Variants in PRLR observed in about 807,000 individuals in gnomAD.
PRLR encodes the protein hPRL receptor.
PRLR carries 13 observed loss-of-function variants against 40.2 expected under a neutral mutation model. The observed-to-expected ratio is 0.32, with a 90% CI of 0.21 to 0.51. PRLR has a LOEUF of 0.51. PRLR is among the 20% of genes least tolerant of loss of function. The probability of loss-of-function intolerance (pLI) is 0.97; values close to 1 mark genes in which losing one functional copy is unlikely to be tolerated. For synonymous variants in PRLR, 269 were observed against 278.7 expected (o/e 0.97, Z 0.35); for missense variants, 656 against 747.3 (o/e 0.88, Z 1.42).
rs934261582 is a variant in PRLR, at chr5:35,207,613, A to ATT, written c.-106+22653_-106+22654dup. ...TTCCCAATCAAATTACCAATGGGAG[A>ATT]TTGTGTGTGTGTGTGTGTGTGTGTG... On this transcript the variant is annotated intron_variant, in intron 1 of 9. Coordinates refer to ENST00000618457, the MANE Select transcript of PRLR (RefSeq NM_000949.7). 6.1e-4 allele frequency among the ~76,000 whole-genome samples: 78 copies of ATT among 127,182 alleles called. 1 individual carries two copies. The highest frequency in any genetic ancestry group is 1.4e-3 in the South Asian group (6 of 4,220). The allele number at this position is 127,182 out of a possible 152,430, so 83.4% of individuals were successfully genotyped here. A position where few individuals can be genotyped will look rare whatever the true frequency, so the allele number is the denominator to read the frequency against.
chr5:35,208,676 G>T (rs985344993), intron 1 of PRLR, among the ~76,000 whole-genome samples: 1 of 151,720 alleles, frequency 6.6e-6, no homozygotes, highest in Non-Finnish European at 1.5e-5. Context: ...ATCAAACTGG[G>T]GAAATATTTA....
At chr5:35,123,642 C>G (rs1362249469) in intron 1 of PRLR, among the ~76,000 whole-genome samples, 1 of 152,178 alleles carries the variant, frequency 6.6e-6, no homozygotes, top group East Asian at 1.9e-4. Context: ...GTTTCTAACT[C>G]TAACTGGTCC....
intron 1 of PRLR, among the ~76,000 whole-genome samples, chr5:35,221,421 A>G (rs1391306371): frequency 1.3e-5 from 2 of 152,244 alleles, no homozygotes; most frequent in Non-Finnish European, 2.9e-5. Flanking sequence ...AGGTCTCTCT[A>G]TAGAAGTAGC....
At chr5:35,155,192 C>T (rs148367283) in intron 1 of PRLR, among the ~76,000 whole-genome samples, 3 of 152,160 alleles carry the variant, frequency 2.0e-5, no homozygotes, top group East Asian at 3.9e-4. Context: ...AATAAATATA[C>T]ATTTACAGCT....
intron 1 of PRLR, among the ~76,000 whole-genome samples, chr5:35,155,086 C>A (rs970074552): frequency 2.0e-5 from 3 of 148,744 alleles, no homozygotes; most frequent in African/African-American, 7.9e-5. Context: ...CAAACCACCA[C>A]GGCACATGTT....
intron 3 of PRLR, among the ~76,000 whole-genome samples, chr5:35,088,242 G>A (rs376045355): frequency 7.9e-5 from 12 of 152,306 alleles, no homozygotes; most frequent in African/African-American, 2.6e-4. Context: ...TTGCCAGCCC[G>A]GGTCAGCTCT....
At chr5:35,203,226 T>G (rs924518641) in intron 1 of PRLR, among the ~76,000 whole-genome samples, 1 of 152,206 alleles carries the variant, frequency 6.6e-6, no homozygotes, top group Non-Finnish European at 1.5e-5. Context: ...GCTGTCCTTT[T>G]CTATAGGCAG....
At chr5:35,073,201 ACT>A (rs1465722371) in intron 5 of PRLR, among the ~76,000 whole-genome samples, 10 of 152,120 alleles carry the variant, frequency 6.6e-5, no homozygotes, top group African/African-American at 2.4e-4. Flanking sequence ...CATAATCATA[ACT>A]CTGCAGATAA....
rs1403216210 is a variant in PRLR, at chr5:35,063,589, T to G, written c.*1500A>C. 6.6e-6 allele frequency: 1 copy of G among 152,180 alleles called. No homozygotes were observed. The highest frequency in any genetic ancestry group is 1.5e-5 in the Non-Finnish European group (1 of 68,032). The allele number at this position is 152,180 out of a possible 1,614,324, so 9.4% of individuals were successfully genotyped here. A position where few individuals can be genotyped will look rare whatever the true frequency, so the allele number is the denominator to read the frequency against. On this transcript the variant is annotated 3_prime_UTR_variant, in exon 10 of 10. Coordinates refer to ENST00000618457, the MANE Select transcript of PRLR (RefSeq NM_000949.7). Reference sequence around the variant, plus strand: ...TGCTCTGGGAAGCAAATACCTAGTTTCCCAGAACTTTTATTTGGACACTTC... The same window carrying G: ...TGCTCTGGGAAGCAAATACCTAGTTGCCCAGAACTTTTATTTGGACACTTC...
intron 1 of PRLR, among the ~76,000 whole-genome samples, chr5:35,215,867 A>G (rs1337509714): frequency 5.4e-5 from 5 of 92,318 alleles, no homozygotes; most frequent in South Asian, 6.9e-4. Context: ...TGTCTCTACT[A>G]AAAAAAAAAA....
rs1167233828 is a variant in PRLR, at chr5:35,118,645, C to T, written c.-105-523G>A. 2.0e-5 allele frequency among the ~76,000 whole-genome samples: 3 copies of T among 152,062 alleles called. No homozygotes were observed. The East Asian group carries it at 5.8e-4, about 29-fold the overall frequency. ...GGATTAGATTTCATAAAATTTGGTC[C>T]TGGAGACTTTAATGAAATTTCTTAA... On this transcript the variant is annotated intron_variant, in intron 1 of 9. Coordinates refer to ENST00000618457, the MANE Select transcript of PRLR (RefSeq NM_000949.7).
intron 2 of PRLR, among the ~76,000 whole-genome samples, chr5:35,091,980 G>C (rs935323227): frequency 6.6e-6 from 1 of 152,088 alleles, no homozygotes; most frequent in Non-Finnish European, 1.5e-5. Context: ...GGTGAGGTTG[G>C]GTGCTATCTA....
At chr5:35,205,302 T>C (rs1033795250) in intron 1 of PRLR, among the ~76,000 whole-genome samples, 1 of 151,982 alleles carries the variant, frequency 6.6e-6, no homozygotes. Flanking sequence ...AATACCAAAC[T>C]CCAAGACCTA....
Position 35,055,751 on chromosome 5 carries a change from A to G in PRLR, c.*9338T>C, listed in dbSNP as rs1768677001. On this transcript the variant is annotated 3_prime_UTR_variant, in exon 10 of 10. Transcript: ENST00000618457. ...TCAATTTAAACTAAACATTACTACC[A>G]TTGCAAAAGCATTTGCTCTGAAAAG... 6.6e-6 allele frequency: 1 copy of G among 152,190 alleles called. No homozygotes were observed. The highest frequency in any genetic ancestry group is 1.5e-5 in the Non-Finnish European group (1 of 68,036). The allele number at this position is 152,190 out of a possible 1,614,324, so 9.4% of individuals were successfully genotyped here.
chr5:35,209,506 A>G (rs1002503385), intron 1 of PRLR, among the ~76,000 whole-genome samples: 5 of 152,254 alleles, frequency 3.3e-5, no homozygotes, highest in African/African-American at 1.2e-4. Context: ...AGAACTGAGC[A>G]GTCCTGGAGG....
chr5:35,139,609 C>G (rs1346519580), intron 1 of PRLR, among the ~76,000 whole-genome samples: 1 of 152,094 alleles, frequency 6.6e-6, no homozygotes, highest in East Asian at 1.9e-4. Context: ...GCACATACTT[C>G]AAATATTAAA....
intron 1 of PRLR, among the ~76,000 whole-genome samples, chr5:35,162,075 T>C (rs1379318043): frequency 6.6e-6 from 1 of 152,192 alleles, no homozygotes; most frequent in Admixed American, 6.5e-5. Flanking sequence ...CTGCCGCTTT[T>C]CCAATGAGTC....
chr5:35,065,442 G>T lies in PRLR; in HGVS notation c.1516C>A (p.Pro506Thr). ...TTGTGAATCTCCACATAATCCAAGG[G>T]TTTAGCGGAGCCAAAGGGGGTTTTC... is the stretch of plus-strand genomic sequence containing the variant. ...QEKTPFGSAK[P>T]LDYVEIHKVN... Residue 506 changes from proline (P) to threonine (T), a missense_variant, in exon 10 of 10, where the codon CCC (proline) becomes ACC (threonine). This residue lies in a region of PRLR where 469 missense variants were observed against 491.5 expected (regional missense o/e 0.95). Coordinates refer to ENST00000618457, the MANE Select transcript of PRLR (RefSeq NM_000949.7). The T allele has an allele frequency of 6.2e-7, 1 of 1,614,140 alleles. No homozygotes were observed. Among genetic ancestry groups the T allele is most frequent in the Middle Eastern group, 1.6e-4 (1 of 6,062 alleles).
At chr5:35,138,431 G>A (rs1579720669) in intron 1 of PRLR, among the ~76,000 whole-genome samples, 3 of 152,318 alleles carry the variant, frequency 2.0e-5, no homozygotes, top group African/African-American at 4.8e-5. Context: ...GGGCAGTCAG[G>A]AAGTTTTTTA....
Sources: gnomAD v4.1 joint callset for allele counts (sites outside exome capture counted in the v4.1 genomes callset) on GRCh38, gnomAD v4.1.1 for gene constraint, gnomAD v4.1.1 regional missense constraint, MANE v1.5 for transcripts, NCBI Gene and HGNC (gene_info 2026-07-23, HGNC 2026-07-21) for gene names.